Variants in NCAM2 observed in about 807,000 individuals in gnomAD.
NCAM2 encodes N-CAM-2.
Under a neutral mutation model 98.1 loss-of-function variants are expected in NCAM2, and 30 were observed. The ratio of observed to expected loss-of-function variants is 0.31; its 90% confidence interval spans 0.23 to 0.41. The LOEUF (loss-of-function observed/expected upper bound fraction) is 0.41, where lower values mean the gene tolerates loss of function less well. NCAM2 is among the 10% of genes least tolerant of loss of function. NCAM2 has a pLI of 1.00. For synonymous variants in NCAM2, 368 were observed against 342.4 expected (o/e 1.07, Z -0.83); for missense variants, 867 against 1,005.8 (o/e 0.86, Z 1.87).
chr21:21,258,464 C>G (rs1025110375), intron 1 of NCAM2, among the ~76,000 whole-genome samples: 3 of 152,254 alleles, frequency 2.0e-5, no homozygotes, highest in Middle Eastern at 3.4e-3. Context: ...AGATTGACTC[C>G]TGAGGTAATC....
At chr21:21,253,336 T>A (rs1363845127) in intron 1 of NCAM2, among the ~76,000 whole-genome samples, 1 of 152,208 alleles carries the variant, frequency 6.6e-6, no homozygotes, top group Non-Finnish European at 1.5e-5. Flanking sequence ...AAGCACTACT[T>A]ATTATGGTCT....
intron 1 of NCAM2, among the ~76,000 whole-genome samples, chr21:21,023,638 T>C (rs1373742291): frequency 6.6e-6 from 1 of 152,080 alleles, no homozygotes; most frequent in Non-Finnish European, 1.5e-5. Flanking sequence ...TTAGAAAAGA[T>C]CCAAAACCTT....
intron 15 of NCAM2, among the ~76,000 whole-genome samples, chr21:21,486,139 T>TA (rs1466605064): frequency 6.6e-6 from 1 of 151,582 alleles, no homozygotes. Context: ...CCGTCTCTAC[T>TA]AAAAAATGCA....
intron 1 of NCAM2, among the ~76,000 whole-genome samples, chr21:21,165,254 G>A (rs1379033789): frequency 6.6e-6 from 1 of 152,136 alleles, no homozygotes; most frequent in Non-Finnish European, 1.5e-5. Flanking sequence ...AATGATGAAT[G>A]ACAGCACATG....
intron 8 of NCAM2, among the ~76,000 whole-genome samples, chr21:21,345,912 G>A (rs932797028): frequency 2.6e-5 from 4 of 151,764 alleles, no homozygotes; most frequent in African/African-American, 9.7e-5. Flanking sequence ...GGATAAAAAA[G>A]CAAAAAACTA....
intron 8 of NCAM2, among the ~76,000 whole-genome samples, chr21:21,350,651 C>G (rs897730241): frequency 1.3e-5 from 2 of 152,148 alleles, no homozygotes; most frequent in African/African-American, 4.8e-5. Context: ...TGGTTAAAAA[C>G]AGAGCTATTT....
At chr21:21,113,306 T>C (rs574768311) in intron 1 of NCAM2, among the ~76,000 whole-genome samples, 1 of 152,348 alleles carries the variant, frequency 6.6e-6, no homozygotes, top group African/African-American at 2.4e-5. Flanking sequence ...GTAATCATTT[T>C]ATTCTTCACT....
At position 21,147,644 on chromosome 21, in the gene NCAM2, ATATT is replaced by A. The variant is rs1017083461; in HGVS notation, c.56-132931_56-132928del. On this transcript the variant is annotated intron_variant, in intron 1 of 17. Coordinates refer to ENST00000400546, the MANE Select transcript of NCAM2 (RefSeq NM_004540.5). ...TACACTAATAAGTATCAACAGATAT[ATATT>A]TAATAAATTTATATATATACACACT... is the stretch of plus-strand genomic sequence containing the variant. Among the ~76,000 whole-genome samples, 5 of 149,830 alleles carry A rather than the reference ATATT, an allele frequency of 3.3e-5. No individual in the cohort carries two copies. In the East Asian group the frequency reaches 9.7e-4, roughly 29 times the overall value.
intron 12 of NCAM2, among the ~76,000 whole-genome samples, chr21:21,465,027 A>T (rs1164617299): frequency 1.3e-5 from 2 of 152,160 alleles, no homozygotes; most frequent in Non-Finnish European, 2.9e-5. Flanking sequence ...CTAAAAAGCA[A>T]GTTCAGTTTT....
chr21:21,116,728 A>G (rs917313838), intron 1 of NCAM2, among the ~76,000 whole-genome samples: 2 of 152,110 alleles, frequency 1.3e-5, no homozygotes, highest in African/African-American at 2.4e-5. Flanking sequence ...GGTGGCAGGC[A>G]CCTGTAGTCC....
At chr21:21,523,499 A>G (rs1203075178) in intron 16 of NCAM2, among the ~76,000 whole-genome samples, 2 of 151,678 alleles carry the variant, frequency 1.3e-5, no homozygotes, top group Non-Finnish European at 2.9e-5. Context: ...TCAGAGAAAG[A>G]CTAAGTGAAG....
intron 12 of NCAM2, among the ~76,000 whole-genome samples, chr21:21,452,679 T>C (rs1289915031): frequency 8.9e-6 from 1 of 112,880 alleles, no homozygotes; most frequent in Non-Finnish European, 1.7e-5. Flanking sequence ...TAATATGTAT[T>C]ATATATTTAT....
chr21:21,485,725 TATGC>T (rs1329746307), intron 15 of NCAM2, among the ~76,000 whole-genome samples: 1 of 152,166 alleles, frequency 6.6e-6, no homozygotes, highest in Admixed American at 6.5e-5. Flanking sequence ...GATGTACATA[TATGC>T]ATAAAAGTGA....
At chr21:21,038,003 A>G (rs1253300369) in intron 1 of NCAM2, among the ~76,000 whole-genome samples, 2 of 152,152 alleles carry the variant, frequency 1.3e-5, no homozygotes, top group Admixed American at 6.6e-5. Context: ...TCTGCTTTGC[A>G]CATGCTTTGC....
intron 8 of NCAM2, among the ~76,000 whole-genome samples, chr21:21,344,124 A>G (rs1477954190): frequency 6.6e-6 from 1 of 152,164 alleles, no homozygotes; most frequent in African/African-American, 2.4e-5. Context: ...GTGTTTCTAT[A>G]ATAGACAAAC....
intron 11 of NCAM2, among the ~76,000 whole-genome samples, chr21:21,431,532 G>C (rs1277515544): frequency 1.3e-5 from 2 of 151,802 alleles, no homozygotes; most frequent in African/African-American, 4.8e-5. Flanking sequence ...TCAACTAAAG[G>C]TTTAATTTAA....
intron 1 of NCAM2, among the ~76,000 whole-genome samples, chr21:21,057,396 G>A (rs940449079): frequency 1.3e-5 from 2 of 152,054 alleles, no homozygotes; most frequent in Non-Finnish European, 2.9e-5. Flanking sequence ...ATTTGAATTG[G>A]TTTACCATGT....
At chr21:21,475,668 G>T (rs373228622) in intron 14 of NCAM2, among the ~76,000 whole-genome samples, 26 of 152,222 alleles carry the variant, frequency 1.7e-4, no homozygotes, top group African/African-American at 6.0e-4. Context: ...CTGGCTACAG[G>T]CCATTTTTAT....
chr21:21,412,276 G>T (rs769147512), intron 10 of NCAM2, among the ~76,000 whole-genome samples: 4 of 152,152 alleles, frequency 2.6e-5, no homozygotes, highest in Non-Finnish European at 4.4e-5. Context: ...TTTCTTGTAA[G>T]GATACCAGTC....
Sources: gnomAD v4.1 joint callset for allele counts (sites outside exome capture counted in the v4.1 genomes callset) on GRCh38, gnomAD v4.1.1 for gene constraint, MANE v1.5 for transcripts, NCBI Gene and HGNC (gene_info 2026-07-23, HGNC 2026-07-21) for gene names.